ANO3: variants seen among roughly 807,000 people sequenced by gnomAD.
The protein encoded by ANO3 is anoctamin 3.
Under a neutral mutation model 144.8 loss-of-function variants are expected in ANO3, and 99 were observed. That is an observed-to-expected ratio of 0.68 (90% CI 0.58 to 0.81). ANO3 has a LOEUF of 0.81. Among genes scored for constraint, ANO3 ranks in the 30% least tolerant of loss-of-function variants. The probability of loss-of-function intolerance (pLI) is 0.00; values close to 1 mark genes in which losing one functional copy is unlikely to be tolerated. For missense variants in ANO3, 905 were observed against 1,202.2 expected, an observed-to-expected ratio of 0.75 and a Z score of 3.66; for synonymous variants, 414 against 392.6, an observed-to-expected ratio of 1.05 and a Z score of -0.64.
chr11:26,194,404 A>G (rs1415060637), intron 1 of ANO3, among the ~76,000 whole-genome samples: 1 of 116,356 alleles, frequency 8.6e-6, no homozygotes, highest in Admixed American at 8.3e-5. Flanking sequence ...TCTTTTTCTA[A>G]TTTTCAAAAT....
At chr11:26,348,131 C>T (rs1855542516) in intron 1 of ANO3, among the ~76,000 whole-genome samples, 1 of 151,990 alleles carries the variant, frequency 6.6e-6, no homozygotes, top group Non-Finnish European at 1.5e-5. Context: ...TTCTTTCCTC[C>T]TCTTACTTTA....
rs564938618 is a variant in ANO3 at position 26,251,712 on chromosome 11, C to T, written c.155-57933C>T. ...GCATGGCTGGGGAGGCCTCAGGAAA[C>T]TTACAATAATGGCAGAAGGCGAAGG... On this transcript the variant is annotated intron_variant, in intron 1 of 27. Coordinates refer to the ANO3 transcript ENST00000672621. Among the ~76,000 whole-genome samples, 24 of 152,216 alleles carry T rather than the reference C, an allele frequency of 1.6e-4. 1 individual carries two copies. In the South Asian group the frequency reaches 5.0e-3, roughly 32 times the overall value.
chr11:26,647,052 A>G (rs1160334422), intron 23 of ANO3, among the ~76,000 whole-genome samples: 4 of 152,106 alleles, frequency 2.6e-5, no homozygotes, highest in Non-Finnish European at 5.9e-5. Context: ...TTTTTCCAGG[A>G]TATTTTTTTC....
intron 1 of ANO3, among the ~76,000 whole-genome samples, chr11:26,344,133 T>C (rs1191412682): frequency 6.6e-6 from 1 of 152,198 alleles, no homozygotes; most frequent in Non-Finnish European, 1.5e-5. Context: ...GATTATGACC[T>C]GTTATGCTGA....
intron 18 of ANO3, among the ~76,000 whole-genome samples, chr11:26,632,107 T>A (rs10430935): frequency 0.67 from 100,731 of 150,934 alleles, 34,194 homozygotes; most frequent in Non-Finnish European, 0.75. Context: ...CAGAAGAATC[T>A]CTCGAACCCG....
Position 26,518,448 on chromosome 11 carries a change from A to G in ANO3, c.692+1521A>G, listed in dbSNP as rs565841333. 2.9e-3 allele frequency among the ~76,000 whole-genome samples: 446 copies of G among 152,170 alleles called. 1 individual carries two copies. Among genetic ancestry groups the G allele is most frequent in the African/African-American group, 1.0e-2 (414 of 41,560 alleles). On this transcript the variant is annotated intron_variant, in intron 6 of 26. Transcript: ENST00000256737. Reference sequence around the variant, plus strand: ...ACAAGTAGCAGTCTTCAAATTTAGCATAGATATGGTTAATAATCACCTTTG... The same window carrying G: ...ACAAGTAGCAGTCTTCAAATTTAGCGTAGATATGGTTAATAATCACCTTTG...
intron 1 of ANO3, among the ~76,000 whole-genome samples, chr11:26,387,307 C>CAG (rs200078563): frequency 6.6e-6 from 1 of 151,086 alleles, no homozygotes; most frequent in African/African-American, 2.4e-5. Context: ...GATAAAAGTA[C>CAG]GATCTTAGAC....
chr11:26,395,139 T>C (rs562796467), intron 1 of ANO3, among the ~76,000 whole-genome samples: 1 of 152,282 alleles, frequency 6.6e-6, no homozygotes, highest in South Asian at 2.1e-4. Flanking sequence ...TCTATTTATC[T>C]GTTTTCGTAC....
At position 26,559,702 on chromosome 11, in the gene ANO3, G is replaced by A; in HGVS notation, c.1387-17G>A. 6.3e-7 allele frequency: 1 copy of A among 1,597,802 alleles called. No homozygotes were observed. The highest frequency in any genetic ancestry group is 2.2e-5 in the East Asian group (1 of 44,716). ...ATCAATTTGCATGACTAATATTTCT[G>A]TTTGTTTTCTACTCAGGTGACATAT... On this transcript the variant is annotated splice_polypyrimidine_tract_variant and intron_variant, in intron 13 of 26. Coordinates refer to ENST00000256737, the MANE Select transcript of ANO3 (RefSeq NM_031418.4).
intron 24 of ANO3, among the ~76,000 whole-genome samples, chr11:26,651,727 G>A (rs1471601335): frequency 1.3e-5 from 2 of 151,950 alleles, no homozygotes; most frequent in Non-Finnish European, 2.9e-5. Flanking sequence ...AAAGAAAAAA[G>A]CTTCTTCAGA....
At chr11:26,598,512 C>A in intron 15 of ANO3, 65 bp downstream of exon 15, 3 of 1,123,606 alleles carry the variant, frequency 2.7e-6, no homozygotes, top group South Asian at 1.5e-5. Context: ...AAATTACTGC[C>A]CTAGCATTCC....
At chr11:26,529,766 T>G (rs761645764) in intron 7 of ANO3, among the ~76,000 whole-genome samples, 1 of 151,816 alleles carries the variant, frequency 6.6e-6, no homozygotes, top group Non-Finnish European at 1.5e-5. Flanking sequence ...ACTTTCAGAG[T>G]CCATCTCTGG....
chr11:26,446,665 T>TA (rs2134029901), intron 3 of ANO3, among the ~76,000 whole-genome samples: 1 of 152,336 alleles, frequency 6.6e-6, no homozygotes, highest in Non-Finnish European at 1.5e-5. Context: ...ACTAGCTGTG[T>TA]AACTGTAGTA....
chr11:26,222,395 C>A (rs141090209), intron 1 of ANO3, among the ~76,000 whole-genome samples: 7 of 152,320 alleles, frequency 4.6e-5, no homozygotes, highest in Non-Finnish European at 1.0e-4. Context: ...ATTGGAGTTG[C>A]GTGCCTGCAG....
At chr11:26,236,680 T>C (rs1023723939) in intron 1 of ANO3, among the ~76,000 whole-genome samples, 4 of 151,962 alleles carry the variant, frequency 2.6e-5, no homozygotes, top group South Asian at 2.1e-4. Context: ...TAGCCGGGCA[T>C]GGTGGCGGGC....
At chr11:26,547,185 C>T (rs1265945891) in intron 11 of ANO3, among the ~76,000 whole-genome samples, 1 of 151,650 alleles carries the variant, frequency 6.6e-6, no homozygotes, top group Non-Finnish European at 1.5e-5. Flanking sequence ...ATGGCATATA[C>T]CTAAATACAT....
At chr11:26,267,097 C>CAAA (rs759201943) in intron 1 of ANO3, among the ~76,000 whole-genome samples, 7 of 114,962 alleles carry the variant, frequency 6.1e-5, no homozygotes, top group South Asian at 2.9e-4. Flanking sequence ...GTCAAACAAA[C>CAAA]AAAAAAAAAA....
At chr11:26,451,091 T>G (rs1361480270) in intron 3 of ANO3, among the ~76,000 whole-genome samples, 1 of 152,068 alleles carries the variant, frequency 6.6e-6, no homozygotes, top group Non-Finnish European at 1.5e-5. Flanking sequence ...GAAAACAGAC[T>G]TATAGGGGAG....
intron 24 of ANO3, among the ~76,000 whole-genome samples, chr11:26,651,341 G>T (rs941629395): frequency 6.6e-6 from 1 of 152,038 alleles, no homozygotes; most frequent in Non-Finnish European, 1.5e-5. Flanking sequence ...GAGCTTTGAC[G>T]GAATGTCAAT....
Sources: gnomAD v4.1 joint callset for allele counts (sites outside exome capture counted in the v4.1 genomes callset) on GRCh38, gnomAD v4.1.1 for gene constraint, MANE v1.5 for transcripts, NCBI Gene and HGNC (gene_info 2026-07-23, HGNC 2026-07-21) for gene names.